Variants in ACTR6 observed in about 807,000 individuals in gnomAD.
ACTR6 encodes the protein actin related protein 6.
In ACTR6, 50 loss-of-function variants were observed where a neutral mutation model predicts 52.5. The observed-to-expected ratio is 0.95, with a 90% CI of 0.76 to 1.20. ACTR6 has a LOEUF of 1.20. Among genes scored for constraint, ACTR6 ranks in the 50% most tolerant of loss-of-function variants. The probability of loss-of-function intolerance (pLI) is 0.00; values close to 1 mark genes in which losing one functional copy is unlikely to be tolerated. For synonymous variants in ACTR6, 135 were observed against 147.2 expected (o/e 0.92, Z 0.60); for missense variants, 344 against 472.4 (o/e 0.73, Z 2.52).
chr12:100,221,670 C>T (rs1408645958), intron 10 of ACTR6: 1 of 151,928 alleles, frequency 6.6e-6, no homozygotes, highest in Non-Finnish European at 1.5e-5. Flanking sequence ...TGGCTCACAC[C>T]TGTAATTCTA....
At chr12:100,212,785 C>T (rs2096120874) in intron 8 of ACTR6, among the ~76,000 whole-genome samples, 1 of 152,000 alleles carries the variant, frequency 6.6e-6, no homozygotes, top group Admixed American at 6.6e-5. Flanking sequence ...GCAGGTGGAT[C>T]ACTAGGTCAG....
At position 100,223,205 on chromosome 12, in the gene ACTR6, G is replaced by A. The variant is rs1172455304; in HGVS notation, c.1062-581G>A. 2.6e-5 allele frequency among the ~76,000 whole-genome samples: 4 copies of A among 152,272 alleles called. No individual in the cohort carries two copies. The East Asian group carries it at 7.7e-4, about 29-fold the overall frequency. On this transcript the variant is annotated intron_variant, in intron 10 of 10. Coordinates refer to ENST00000188312, the MANE Select transcript of ACTR6 (RefSeq NM_022496.5). ...ATACAAAAAAAATTAGCCATGTGTG[G>A]TGGCATGTGCCTGTAGTCCCAGCTA...
intron 6 of ACTR6, 28 bp from the exon 7 acceptor site, chr12:100,212,228 C>T: frequency 6.9e-7 from 1 of 1,457,002 alleles, no homozygotes; most frequent in Non-Finnish European, 9.3e-7. Flanking sequence ...TGTTTTGCTT[C>T]AAATTTTACA....
At chr12:100,205,843 T>G in intron 3 of ACTR6, 99 bp downstream of exon 3, 1 of 626,506 alleles carries the variant, frequency 1.6e-6, no homozygotes, top group Non-Finnish European at 2.5e-6. Context: ...ATGAATAATG[T>G]TCTCCGCACA....
At chr12:100,211,002 CT>C (rs2096119452) in intron 6 of ACTR6, among the ~76,000 whole-genome samples, 1 of 151,984 alleles carries the variant, frequency 6.6e-6, no homozygotes, top group South Asian at 2.1e-4. Context: ...TGTTTGTTTT[CT>C]TTTTACAATT....
chr12:100,205,354 T>C (rs1177747730), intron 2 of ACTR6: 2 of 288,394 alleles, frequency 6.9e-6, no homozygotes, highest in Admixed American at 1.0e-4. Context: ...TTTTAGTTAT[T>C]GCTTATTTGT....
chr12:100,209,455 A>G (rs1173661849), intron 4 of ACTR6, among the ~76,000 whole-genome samples: 2 of 152,194 alleles, frequency 1.3e-5, no homozygotes, highest in African/African-American at 4.8e-5. Context: ...CGGGAGGTGG[A>G]GGTTGCAGTG....
intron 3 of ACTR6, among the ~76,000 whole-genome samples, chr12:100,207,126 T>C (rs540008185): frequency 3.9e-5 from 6 of 152,262 alleles, no homozygotes; most frequent in Non-Finnish European, 5.9e-5. Context: ...CAATCATGGC[T>C]CACTGCAGCC....
At chr12:100,219,257 T>C (rs2096126258) in intron 9 of ACTR6, among the ~76,000 whole-genome samples, 1 of 151,970 alleles carries the variant, frequency 6.6e-6, no homozygotes, top group Non-Finnish European at 1.5e-5. Flanking sequence ...GTTGCAGTCA[T>C]GATGTGTACA....
At chr12:100,214,042 A>G (rs1443244069) in intron 8 of ACTR6, among the ~76,000 whole-genome samples, 1 of 152,230 alleles carries the variant, frequency 6.6e-6, no homozygotes, top group African/African-American at 2.4e-5. Flanking sequence ...AATCAAGTAG[A>G]GCTTATATAA....
intron 9 of ACTR6, 114 bp from the exon 10 acceptor site, chr12:100,219,894 G>T: frequency 9.5e-7 from 1 of 1,050,518 alleles, no homozygotes; most frequent in Non-Finnish European, 1.4e-6. Context: ...TTTCCCACCA[G>T]TAACTGTAAT....
intron 3 of ACTR6, among the ~76,000 whole-genome samples, chr12:100,207,271 T>C (rs1419046445): frequency 6.6e-6 from 1 of 152,066 alleles, no homozygotes; most frequent in Non-Finnish European, 1.5e-5. Context: ...GGTCTTGCTG[T>C]GTTTCCCAGG....
intron 8 of ACTR6, among the ~76,000 whole-genome samples, chr12:100,215,756 T>C (rs1313391726): frequency 2.0e-5 from 3 of 152,214 alleles, no homozygotes; most frequent in African/African-American, 7.2e-5. Context: ...TTTTTAAAGA[T>C]TTAGAAACAG....
At chr12:100,204,585 G>A (rs373930368) in intron 1 of ACTR6, among the ~76,000 whole-genome samples, 2 of 152,026 alleles carry the variant, frequency 1.3e-5, no homozygotes, top group African/African-American at 4.8e-5. Flanking sequence ...GGCTGGTCTC[G>A]AACTCCTGAC....
chr12:100,200,999 T>C, intron 1 of ACTR6, 80 bp downstream of exon 1: 1 of 1,608,768 alleles, frequency 6.2e-7, no homozygotes, highest in African/African-American at 1.3e-5. Flanking sequence ...CGGACATCAA[T>C]GAACTGCAGA....
chr12:100,214,546 T>C (rs903116430), intron 8 of ACTR6, among the ~76,000 whole-genome samples: 1 of 144,166 alleles, frequency 6.9e-6, no homozygotes, highest in African/African-American at 2.6e-5. Context: ...AGCAACAAAG[T>C]GAGACCCTGT....
intron 8 of ACTR6, among the ~76,000 whole-genome samples, chr12:100,215,705 G>A (rs571378252): frequency 6.6e-6 from 1 of 152,282 alleles, no homozygotes; most frequent in East Asian, 1.9e-4. Flanking sequence ...TCGTTAAAAT[G>A]TACACCTTAT....
chr12:100,211,220 A>G (rs1270990823), intron 6 of ACTR6, among the ~76,000 whole-genome samples: 3 of 151,824 alleles, frequency 2.0e-5, no homozygotes, highest in Non-Finnish European at 2.9e-5. Context: ...ATACACAAAA[A>G]TGGATAAGTG....
chr12:100,212,199 A>AT, intron 6 of ACTR6, 57 bp from the exon 7 acceptor site: 1 of 1,266,164 alleles, frequency 7.9e-7, no homozygotes, highest in African/African-American at 1.5e-5. Context: ...ATTTCAGATA[A>AT]TTATAAATTA....
Sources: allele counts gnomAD v4.1 joint callset (sites outside exome capture counted in the v4.1 genomes callset), GRCh38; gene constraint gnomAD v4.1.1; transcripts MANE v1.5; gene names NCBI Gene and HGNC (gene_info 2026-07-23, HGNC 2026-07-21).